The following RAPGEF2 variants were observed in gnomAD, a reference collection of about 807,000 sequenced individuals.
RAPGEF2 encodes the protein Rap guanine nucleotide exchange factor 2.
RAPGEF2 carries 54 observed loss-of-function variants against 186.7 expected under a neutral mutation model. The ratio of observed to expected loss-of-function variants is 0.29; its 90% CI spans 0.23 to 0.36. The LOEUF is 0.36. Among genes scored for constraint, RAPGEF2 ranks in the 10% least tolerant of loss-of-function variants. The probability of loss-of-function intolerance (pLI) is 1.00; values close to 1 mark genes in which losing one functional copy is unlikely to be tolerated. For missense variants in RAPGEF2, 1,532 were observed against 2,045.0 expected (o/e 0.75, Z 4.84); for synonymous variants, 712 against 705.9 (o/e 1.01, Z -0.14).
chr4:159,322,672 T>TA (rs777437776), intron 10 of RAPGEF2, among the ~76,000 whole-genome samples, 189 bp downstream of exon 10: 6 of 152,130 alleles, frequency 3.9e-5, no homozygotes, highest in Admixed American at 6.5e-5. Context: ...GATAAAGAAA[T>TA]ACCTGAGACT....
At chr4:159,336,530 T>C (rs960457235) in intron 17 of RAPGEF2, among the ~76,000 whole-genome samples, 10 of 152,208 alleles carry the variant, frequency 6.6e-5, no homozygotes, top group Admixed American at 6.5e-4. Context: ...TAATATTCTG[T>C]GGTGTAGCTA....
intron 1 of RAPGEF2, among the ~76,000 whole-genome samples, chr4:159,144,879 G>GTTTTTTTTTTTTTTTTTTTTTTTTTTTTT (rs137978885): frequency 1.1e-5 from 1 of 92,338 alleles, no homozygotes; most frequent in African/African-American, 4.2e-5. Context: ...CTTTCTTCCT[G>GTTTTTTTTTTTTTTTTTTTTTTTTTTTTT]TTTTTTTTTT....
chr4:159,344,407 A>G (rs2111282309), intron 23 of RAPGEF2, among the ~76,000 whole-genome samples: 1 of 152,332 alleles, frequency 6.6e-6, no homozygotes, highest in East Asian at 1.9e-4. Flanking sequence ...TAGAAGGGAA[A>G]AGTTGTGCAA....
chr4:159,248,184 T>C (rs555147691), intron 7 of RAPGEF2, among the ~76,000 whole-genome samples: 28 of 152,334 alleles, frequency 1.8e-4, no homozygotes, highest in Admixed American at 8.5e-4. Context: ...TATATGAATA[T>C]AAATACATGA....
chr4:159,132,060 G>A (rs1741171981), intron 1 of RAPGEF2, among the ~76,000 whole-genome samples: 1 of 152,112 alleles, frequency 6.6e-6, no homozygotes, highest in Admixed American at 6.6e-5. Context: ...TCTAACTGTT[G>A]CCATTAGGAT....
chr4:159,139,745 G>T (rs1742109598), intron 1 of RAPGEF2, among the ~76,000 whole-genome samples: 1 of 152,252 alleles, frequency 6.6e-6, no homozygotes, highest in African/African-American at 2.4e-5. Flanking sequence ...TTAGTAAGTG[G>T]ACAGTGAACA....
chr4:159,336,157 A>AT (rs70962671), intron 17 of RAPGEF2, among the ~76,000 whole-genome samples: 67 of 149,766 alleles, frequency 4.5e-4, no homozygotes, highest in Middle Eastern at 3.5e-3. Flanking sequence ...AATTGTCTTT[A>AT]TTTTTTTTTT....
At chr4:159,244,434 A>C (rs1257294543) in intron 7 of RAPGEF2, among the ~76,000 whole-genome samples, 2 of 151,964 alleles carry the variant, frequency 1.3e-5, no homozygotes, top group Admixed American at 1.3e-4. Flanking sequence ...ATGCCAGTAC[A>C]TGACTAAGTA....
At chr4:159,179,904 G>A (rs1746831939) in intron 1 of RAPGEF2, among the ~76,000 whole-genome samples, 1 of 152,154 alleles carries the variant, frequency 6.6e-6, no homozygotes, top group Admixed American at 6.5e-5. Context: ...TACAAATGCC[G>A]ACAGACAGTT....
At position 159,181,670 on chromosome 4, in the gene RAPGEF2, G is replaced by C. The variant is rs540165684; in HGVS notation, c.70-4972G>C. Among the ~76,000 whole-genome samples, 3 of 150,268 alleles carry C rather than the reference G, an allele frequency of 2.0e-5. No homozygotes were observed. The East Asian group carries it at 5.9e-4, about 29-fold the overall frequency. On this transcript the variant is annotated intron_variant, in intron 1 of 29. Coordinates refer to ENST00000691494, the MANE Select transcript of RAPGEF2 (RefSeq NM_001394067.2). ...TCAGCCTCAGCCTCCTGAGTAGCTG[G>C]AACTACAGGCATGCATCACCACGCC... is the stretch of plus-strand genomic sequence containing the variant.
chr4:159,150,692 A>G (rs1430278304), intron 1 of RAPGEF2, among the ~76,000 whole-genome samples: 1 of 152,232 alleles, frequency 6.6e-6, no homozygotes, highest in Admixed American at 6.5e-5. Flanking sequence ...TGCTCTGTGC[A>G]TGTCCCTTGA....
In RAPGEF2 at chr4:159,241,264, A is replaced by C; in HGVS notation, c.421A>C (p.Arg141=). The C allele has an allele frequency of 6.5e-7, 1 of 1,534,378 alleles. No individual in the cohort carries two copies. Among genetic ancestry groups the C allele is most frequent in the Non-Finnish European group, 8.7e-7 (1 of 1,145,822 alleles). ...GCAAGCTTCCCATAGACAGTCTCGA[A>C]GGAGATTTAGAAAAATCAACCAGAA... The part of the protein sequence containing the change: ...QRQASHRQSR[R]RFRKINQKGE... Residue 141 remains arginine, a synonymous_variant, in exon 6 of 30, where the codon AGG becomes CGG. Transcript: ENST00000691494.
chr4:159,317,141 C>T (rs1374149063), intron 9 of RAPGEF2, among the ~76,000 whole-genome samples: 1 of 152,004 alleles, frequency 6.6e-6, no homozygotes, highest in Non-Finnish European at 1.5e-5. Context: ...AAACTTTCAC[C>T]ATTTCAGCTA....
chr4:159,330,267 G>A (rs993066153), intron 12 of RAPGEF2, 67 bp from the exon 13 acceptor site: 17 of 604,770 alleles, frequency 2.8e-5, no homozygotes, highest in African/African-American at 6.4e-5. Context: ...ATATGTATAT[G>A]TGTGTGTGTG....
intron 1 of RAPGEF2, among the ~76,000 whole-genome samples, chr4:159,148,927 A>T (rs1743230612): frequency 6.6e-6 from 1 of 152,220 alleles, no homozygotes; most frequent in African/African-American, 2.4e-5. Context: ...TTGTGAACAA[A>T]TTATTTTTGG....
At chr4:159,352,658 A>C in intron 26 of RAPGEF2, 27 bp from the exon 27 acceptor site, 1 of 1,557,554 alleles carries the variant, frequency 6.4e-7, no homozygotes, top group South Asian at 1.1e-5. Context: ...AGAGAGTCTA[A>C]TTAATACGGT....
chr4:159,140,954 T>C (rs1425874767), intron 1 of RAPGEF2, among the ~76,000 whole-genome samples: 1 of 151,958 alleles, frequency 6.6e-6, no homozygotes. Flanking sequence ...GCCTCGGCCT[T>C]CTGAAGAGCT....
Position 159,219,442 on chromosome 4 carries a change from G to T in RAPGEF2, c.281+8859G>T, listed in dbSNP as rs1352528217. On this transcript the variant is annotated intron_variant, in intron 4 of 29. Transcript: ENST00000691494. The stretch of plus-strand genomic sequence containing the variant: ...GCGATCTGGGCTCACTGCAAGCCCC[G>T]CCTCCCGGGTTCACGCCATTCTCCT... Among the ~76,000 whole-genome samples, 5 of 129,520 alleles carry T rather than the reference G, an allele frequency of 3.9e-5. 1 individual carries two copies. Among genetic ancestry groups the T allele is most frequent in the African/African-American group, 1.5e-4 (5 of 34,036 alleles). 85.0% of individuals were successfully genotyped at this position (129,520 alleles called of 152,430 possible).
intron 5 of RAPGEF2, 119 bp downstream of exon 5, chr4:159,239,003 A>C (rs544262682): frequency 4.1e-6 from 2 of 493,342 alleles, no homozygotes; most frequent in Non-Finnish European, 6.6e-6. Context: ...TATATTTTCT[A>C]TAACAGATAT....
Sources: allele counts gnomAD v4.1 joint callset (sites outside exome capture counted in the v4.1 genomes callset), GRCh38; gene constraint gnomAD v4.1.1; transcripts MANE v1.5; gene names NCBI Gene and HGNC (gene_info 2026-07-23, HGNC 2026-07-21).